Variants in IL17RB observed in about 807,000 individuals in gnomAD.
IL17RB encodes interleukin 17 receptor B, also known as interleukin-17 receptor B.
IL17RB carries 36 observed loss-of-function variants against 43.9 expected under a neutral mutation model. That is an observed-to-expected ratio of 0.82 (90% confidence interval 0.63 to 1.08). The LOEUF is 1.08. Among genes scored for constraint, IL17RB ranks in the 50% least tolerant of loss-of-function variants. The pLI, the probability that IL17RB is intolerant of heterozygous loss-of-function variation, is 0.00. For synonymous variants in IL17RB, 225 were observed against 225.4 expected (o/e 1.00, Z 0.02); for missense variants, 613 against 613.6 (o/e 1.00, Z 0.01).
chr3:53,847,710 C>G (rs1425906257), intron 1 of IL17RB, among the ~76,000 whole-genome samples: 2 of 152,220 alleles, frequency 1.3e-5, no homozygotes, highest in Admixed American at 1.3e-4. Flanking sequence ...AGGAGAATCA[C>G]TTGAACCCGG....
chr3:53,865,278 A>C lies in IL17RB; in HGVS notation c.1479A>C (p.Gln493His). 1 of 1,608,650 alleles carries C rather than the reference A, an allele frequency of 6.2e-7. No individual in the cohort carries two copies. The change falls in exon 11 of 11, where the codon CAA becomes CAC. Residue 493 changes from glutamine to histidine, a missense_variant. Gln to His is a conservative substitution (Grantham distance 24). Transcript: ENST00000288167. ...AGGTGTCAGCAGGAAAAAGATCACA[A>C]GCCTGCCACGATGGCTGCTGCTCCT... Reference protein sequence around the residue: ...KQQVSAGKRSQACHDGCCSL With the variant: ...KQQVSAGKRSHACHDGCCSL
At chr3:53,852,258 C>T (rs1699178760) in intron 4 of IL17RB, 132 bp downstream of exon 4, 3 of 831,154 alleles carry the variant, frequency 3.6e-6, no homozygotes, top group Non-Finnish European at 5.7e-6. Context: ...CGTTCTACTT[C>T]AGCCTCCCAA....
At chr3:53,855,516 G>A (rs1259274980) in intron 6 of IL17RB, among the ~76,000 whole-genome samples, 175 bp downstream of exon 6, 1 of 152,106 alleles carries the variant, frequency 6.6e-6, no homozygotes, top group Non-Finnish European at 1.5e-5. Context: ...CCAGTACTTT[G>A]CCCACTGAGT....
Position 53,858,727 on chromosome 3 carries a change from A to C in IL17RB, c.756A>C (p.Pro252=), listed in dbSNP as rs371784047. The part of the protein sequence containing the change: ...DSEGATVQLT[P]YFPTCGSDCI... ...CTCTTGTTTTTCCTCAGCTGACTCC[A>C]TATTTTCCTACTTGTGGCAGCGACT... is the stretch of plus-strand genomic sequence containing the variant. The change falls in exon 9 of 11, where the codon CCA becomes CCC. Residue 252 remains proline (P), a synonymous_variant. Coordinates refer to ENST00000288167, the MANE Select transcript of IL17RB (RefSeq NM_018725.4). 1.3e-5 allele frequency: 21 copies of C among 1,614,020 alleles called. No homozygotes were observed. Among genetic ancestry groups the C allele is most frequent in the Non-Finnish European group, 1.6e-5 (19 of 1,180,012 alleles).
At chr3:53,855,151 C>A in intron 5 of IL17RB, 143 bp from the exon 6 acceptor site, 1 of 422,486 alleles carries the variant, frequency 2.4e-6, no homozygotes, top group Non-Finnish European at 4.4e-6. Context: ...ATTAGAGCCC[C>A]ATTTGAATTT....
At chr3:53,855,225 C>A in intron 5 of IL17RB, 69 bp from the exon 6 acceptor site, 1 of 983,968 alleles carries the variant, frequency 1.0e-6, no homozygotes, top group Non-Finnish European at 1.6e-6. Flanking sequence ...TGTGTGTGTG[C>A]ACTTGGCAAA....
intron 1 of IL17RB, among the ~76,000 whole-genome samples, chr3:53,848,079 G>A (rs1191084517): frequency 1.3e-5 from 2 of 152,150 alleles, no homozygotes; most frequent in African/African-American, 2.4e-5. Flanking sequence ...GAAAAAACAC[G>A]AGCAGCTAAC....
At chr3:53,848,949 A>G (rs184632437) in intron 2 of IL17RB, among the ~76,000 whole-genome samples, 14 of 152,242 alleles carry the variant, frequency 9.2e-5, no homozygotes, top group African/African-American at 3.1e-4. Context: ...GATGCCTGCC[A>G]CTCTGCAGAG....
At chr3:53,856,662 T>C (rs1353053334) in intron 6 of IL17RB, among the ~76,000 whole-genome samples, 182 bp from the exon 7 acceptor site, 1 of 152,202 alleles carries the variant, frequency 6.6e-6, no homozygotes, top group Non-Finnish European at 1.5e-5. Flanking sequence ...CCCCAAACTG[T>C]CTTGGGCAGC....
intron 3 of IL17RB, among the ~76,000 whole-genome samples, chr3:53,850,070 T>C (rs1307748840): frequency 1.3e-5 from 2 of 152,232 alleles, no homozygotes; most frequent in South Asian, 4.1e-4. Flanking sequence ...ACAATATGGA[T>C]GAATGTCACA....
chr3:53,848,165 T>G (rs575228089), intron 1 of IL17RB, among the ~76,000 whole-genome samples: 31 of 152,208 alleles, frequency 2.0e-4, no homozygotes, highest in Non-Finnish European at 3.8e-4. Flanking sequence ...AGTGAGTCCT[T>G]TTGTGTTAGA....
In IL17RB at chr3:53,865,094, G is replaced by A; in HGVS notation, c.1295G>A (p.Ser432Asn). Reference sequence around the variant, plus strand: ...CCCCTTGCCTTTAACCTTTTCTGCAGTGATCTAAGAAGCCAGATTCATCTG... The same window carrying A: ...CCCCTTGCCTTTAACCTTTTCTGCAATGATCTAAGAAGCCAGATTCATCTG... ...LFPLAFNLFC[S>N]DLRSQIHLHK... Residue 432 changes from serine (S) to asparagine (N), a missense_variant, in exon 11 of 11, where the codon AGT becomes AAT. By Grantham distance (46) the Ser-to-Asn change is conservative. Transcript: ENST00000288167. The A allele has an allele frequency of 6.2e-7, 1 of 1,614,160 alleles. No homozygotes were observed. Among genetic ancestry groups the A allele is most frequent in the Non-Finnish European group, 8.5e-7 (1 of 1,179,984 alleles).
Position 53,852,132 on chromosome 3 carries a change from C to T in IL17RB, c.354+6C>T. ...CCAGACCCTCTGGTGGTAAAGTAAGCACTTTTTTGTTTTTTGTTTTGTTTT... is the reference window on the plus strand; with the variant it reads ...CCAGACCCTCTGGTGGTAAAGTAAGTACTTTTTTGTTTTTTGTTTTGTTTT... On this transcript the variant is annotated splice_donor_region_variant and intron_variant, in intron 4 of 10. Coordinates refer to ENST00000288167, the MANE Select transcript of IL17RB (RefSeq NM_018725.4). 1 of 1,613,322 alleles carries T rather than the reference C, an allele frequency of 6.2e-7. No homozygotes were observed. Among genetic ancestry groups the T allele is most frequent in the East Asian group, 2.2e-5 (1 of 44,712 alleles).
Position 53,858,654 on chromosome 3 carries a change from G to C in IL17RB, c.748-65G>C, listed in dbSNP as rs964519188. The C allele has an allele frequency of 1.9e-6, 3 of 1,584,304 alleles. No homozygotes were observed. In the African/African-American group the frequency reaches 4.0e-5, roughly 21 times the overall value. ...AGAAGGGAAGTTTTGGCTGAAGTAG[G>C]AGTCTTGGTGAGATTTTGCTCTGAT... On this transcript the variant is annotated intron_variant, in intron 8 of 10. Coordinates refer to ENST00000288167, the MANE Select transcript of IL17RB (RefSeq NM_018725.4).
Position 53,846,756 on chromosome 3 carries a change from C to G in IL17RB, c.60+108C>G, listed in dbSNP as rs1035051500. On this transcript the variant is annotated intron_variant, in intron 1 of 10. Coordinates refer to ENST00000288167, the MANE Select transcript of IL17RB (RefSeq NM_018725.4). ...TGCCCCGAAGGCGTGCGCGGACTGC[C>G]GGCTCAAGGGGCATGCCTGCACCCT... 8.4e-5 allele frequency: 99 copies of G among 1,181,370 alleles called. No individual in the cohort carries two copies. The African/African-American group carries it at 1.5e-3, about 18-fold the overall frequency. 73.2% of individuals were successfully genotyped at this position (1,181,370 alleles called of 1,614,324 possible).
intron 9 of IL17RB, chr3:53,859,724 CT>C (rs1251442871): frequency 1.9e-5 from 3 of 156,286 alleles, no homozygotes; most frequent in African/African-American, 7.2e-5. Context: ...GATTTTAGGA[CT>C]GTTCTTAACT....
intron 10 of IL17RB, chr3:53,861,004 T>C (rs1699543991): frequency 6.6e-6 from 1 of 152,236 alleles, no homozygotes; most frequent in African/African-American, 2.4e-5. Context: ...CAGTGCGTAC[T>C]GTCCTGCTGT....
At chr3:53,851,598 G>A (rs980123340) in intron 3 of IL17RB, among the ~76,000 whole-genome samples, 3 of 152,192 alleles carry the variant, frequency 2.0e-5, no homozygotes, top group Non-Finnish European at 2.9e-5. Context: ...ATCGGAACAG[G>A]TGTGGTTTGG....
At chr3:53,848,510 C>A (rs756681837) in intron 1 of IL17RB, among the ~76,000 whole-genome samples, 154 bp from the exon 2 acceptor site, 2 of 152,224 alleles carry the variant, frequency 1.3e-5, no homozygotes, top group African/African-American at 2.4e-5. Context: ...TTAGTTCCCC[C>A]CTAAGCTGTG....
Sources: allele counts gnomAD v4.1 joint callset (sites outside exome capture counted in the v4.1 genomes callset), GRCh38; gene constraint gnomAD v4.1.1; transcripts MANE v1.5; gene names NCBI Gene and HGNC (gene_info 2026-07-23, HGNC 2026-07-21).